Variants in PCDH7 observed in about 807,000 individuals in gnomAD.
PCDH7 encodes the protein protocadherin-7.
Under a neutral mutation model 58.9 loss-of-function variants are expected in PCDH7, and 17 were observed. The observed-to-expected ratio is 0.29, with a 90% CI of 0.20 to 0.43. The LOEUF (loss-of-function observed/expected upper bound fraction) is 0.43, where lower values mean the gene tolerates loss of function less well. Ranked by LOEUF, PCDH7 falls within the 20% of genes least tolerant of loss-of-function variation. The pLI, the probability that PCDH7 is intolerant of heterozygous loss-of-function variation, is 1.00. For missense variants in PCDH7, 1,274 were observed against 1,441.0 expected, an observed-to-expected ratio of 0.88 and a Z score of 1.88; for synonymous variants, 664 against 616.4, an observed-to-expected ratio of 1.08 and a Z score of -1.14.
intron 3 of PCDH7, among the ~76,000 whole-genome samples, chr4:30,960,940 T>C (rs1748352555): frequency 6.6e-6 from 1 of 152,196 alleles, no homozygotes; most frequent in Non-Finnish European, 1.5e-5. Flanking sequence ...TCTCTGAATA[T>C]AGAATGTAAA....
rs1377716542 is a variant in PCDH7, at chr4:31,105,957, T to A, written c.*8-36516T>A. Among the ~76,000 whole-genome samples the A allele has an allele frequency of 2.0e-5, 3 of 151,152 alleles. No homozygotes were observed. The South Asian group carries it at 6.3e-4, about 32-fold the overall frequency. On this transcript the variant is annotated intron_variant, in intron 3 of 3. Coordinates refer to the PCDH7 transcript ENST00000509759. ...GGGAGGCAGAGCTTGCAGTGAGCCG[T>A]AATCGCGCCACTGCACTCCAGCCTA...
chr4:30,920,233 C>T, exon 2 of PCDH7: 5 of 1,367,658 alleles, frequency 3.7e-6, no homozygotes, highest in Non-Finnish European at 3.9e-6. Flanking sequence ...GCTATGACAG[C>T]GGGCTGGAGG....
intron 1 of PCDH7, among the ~76,000 whole-genome samples, chr4:30,821,959 A>G (rs1728429557): frequency 6.6e-6 from 1 of 152,166 alleles, no homozygotes; most frequent in South Asian, 2.1e-4. Context: ...CTCGATGCTC[A>G]GTTTTTATTA....
At chr4:30,965,216 T>C (rs1204981940) in intron 3 of PCDH7, among the ~76,000 whole-genome samples, 1 of 152,130 alleles carries the variant, frequency 6.6e-6, no homozygotes, top group African/African-American at 2.4e-5. Context: ...AATAATAAAA[T>C]GTGATAAATG....
intron 1 of PCDH7, among the ~76,000 whole-genome samples, chr4:30,785,481 G>A (rs1034064299): frequency 6.6e-6 from 1 of 151,894 alleles, no homozygotes; most frequent in African/African-American, 2.4e-5. Context: ...TATTGCTAGA[G>A]AAACAAAAAG....
At chr4:30,991,454 G>C (rs1751459364) in intron 3 of PCDH7, among the ~76,000 whole-genome samples, 1 of 152,178 alleles carries the variant, frequency 6.6e-6, no homozygotes, top group Admixed American at 6.5e-5. Flanking sequence ...GATAAAATCA[G>C]CACTTAGCCC....
At chr4:31,042,987 A>G (rs948215536) in intron 3 of PCDH7, among the ~76,000 whole-genome samples, 3 of 152,110 alleles carry the variant, frequency 2.0e-5, no homozygotes, top group Non-Finnish European at 4.4e-5. Flanking sequence ...GGCTCACAGG[A>G]GACAGCCAAA....
chr4:30,981,588 T>C (rs1415505622), intron 3 of PCDH7, among the ~76,000 whole-genome samples: 1 of 152,184 alleles, frequency 6.6e-6, no homozygotes, highest in African/African-American at 2.4e-5. Context: ...AATAAAAAGC[T>C]CATATTCTAT....
At chr4:30,876,763 G>C (rs1484924421) in intron 1 of PCDH7, among the ~76,000 whole-genome samples, 1 of 151,874 alleles carries the variant, frequency 6.6e-6, no homozygotes. Flanking sequence ...TTTACTTTAA[G>C]TTCTGGAATA....
chr4:30,769,294 C>G (rs922429716), intron 1 of PCDH7, among the ~76,000 whole-genome samples: 1 of 152,206 alleles, frequency 6.6e-6, no homozygotes, highest in Non-Finnish European at 1.5e-5. Context: ...CACCGCAGCC[C>G]CCTTAGGCCC....
At position 30,821,071 on chromosome 4, in the gene PCDH7, G is replaced by A. The variant is rs115223079; in HGVS notation, c.70+96475G>A. ...CGCTTGTGCTAAGGACTTATGAATT[G>A]TCACAATGACTGCGTGAGATAGGTA... On this transcript the variant is annotated intron_variant, in intron 1 of 3. Transcript: ENST00000509759. Among the ~76,000 whole-genome samples, 492 of 152,228 alleles carry A rather than the reference G, an allele frequency of 3.2e-3. 3 individuals carry two copies. The highest frequency in any genetic ancestry group is 0.011 in the African/African-American group (466 of 41,558).
chr4:30,891,773 GT>G (rs554698491), intron 1 of PCDH7, among the ~76,000 whole-genome samples: 141 of 139,220 alleles, frequency 1.0e-3, no homozygotes, highest in Non-Finnish European at 1.3e-3. Context: ...TTGTTTTTTT[GT>G]TTTTTTTTTT....
At chr4:30,807,449 G>A (rs1358626785) in intron 1 of PCDH7, among the ~76,000 whole-genome samples, 1 of 152,128 alleles carries the variant, frequency 6.6e-6, no homozygotes, top group Non-Finnish European at 1.5e-5. Context: ...GACCATGGAG[G>A]CATGTTCATG....
chr4:31,096,189 T>C lies in PCDH7; in HGVS notation c.*8-46284T>C, dbSNP rs192911331. Reference sequence around the variant, plus strand: ...TGATTTGCATTATATGAAGTTGTTCTCCTGTTACGAGAAATTTGGGGGAAG... The same window carrying C: ...TGATTTGCATTATATGAAGTTGTTCCCCTGTTACGAGAAATTTGGGGGAAG... On this transcript the variant is annotated intron_variant, in intron 3 of 3. Transcript: ENST00000509759. Among the ~76,000 whole-genome samples the C allele has an allele frequency of 1.8e-4, 28 of 152,320 alleles. No homozygotes were observed. In the East Asian group the frequency reaches 5.0e-3, roughly 27 times the overall value.
intron 3 of PCDH7, among the ~76,000 whole-genome samples, chr4:31,037,413 G>T (rs941208673): frequency 6.6e-6 from 1 of 152,156 alleles, no homozygotes; most frequent in Non-Finnish European, 1.5e-5. Context: ...GTTCAGCTTA[G>T]ATATCAGGAG....
intron 1 of PCDH7, chr4:30,776,435 A>G (rs915913166): frequency 1.3e-5 from 2 of 152,248 alleles, no homozygotes; most frequent in Non-Finnish European, 2.9e-5. Context: ...ATCTGCTGGA[A>G]GCATTTCAGT....
rs372890832 is a variant in PCDH7, at chr4:30,907,828, T to C, written c.71-12325T>C. ...ATGTTTATTGCGGCACTACTCACAA[T>C]AGCAAAGACTTGAAACCAATCCAAA... On this transcript the variant is annotated intron_variant, in intron 1 of 3. Coordinates refer to the PCDH7 transcript ENST00000509759. 5.9e-5 allele frequency among the ~76,000 whole-genome samples: 9 copies of C among 152,238 alleles called. No individual in the cohort carries two copies. The South Asian group carries it at 1.9e-3, about 32-fold the overall frequency.
chr4:30,993,218 C>A (rs1751605281), intron 3 of PCDH7, among the ~76,000 whole-genome samples: 1 of 152,190 alleles, frequency 6.6e-6, no homozygotes, highest in African/African-American at 2.4e-5. Flanking sequence ...AGGTATATGC[C>A]TACCTATGGC....
intron 1 of PCDH7, among the ~76,000 whole-genome samples, chr4:30,899,195 G>A (rs751133379): frequency 1.8e-4 from 28 of 151,998 alleles, no homozygotes; most frequent in Non-Finnish European, 3.8e-4. Context: ...TACAGATTTT[G>A]AGAATGACTG....
Sources: allele counts gnomAD v4.1 joint callset (sites outside exome capture counted in the v4.1 genomes callset), GRCh38; gene constraint gnomAD v4.1.1; transcripts MANE v1.5; gene names NCBI Gene and HGNC (gene_info 2026-07-23, HGNC 2026-07-21).